The following RNF40 variants were observed in gnomAD, a reference collection of about 807,000 sequenced individuals.
RNF40 encodes the protein ring finger protein 40.
RNF40 carries 39 observed loss-of-function variants against 123.3 expected under a neutral mutation model. The ratio of observed to expected loss-of-function variants is 0.32; its 90% CI spans 0.24 to 0.41. The LOEUF (loss-of-function observed/expected upper bound fraction) is 0.41, where lower values mean the gene tolerates loss of function less well. Ranked by LOEUF, RNF40 falls within the 10% of genes least tolerant of loss-of-function variation. The pLI is 1.00. For missense variants in RNF40, 1,003 were observed against 1,319.9 expected, an observed-to-expected ratio of 0.76 and a Z score of 3.72; for synonymous variants, 538 against 526.0, an observed-to-expected ratio of 1.02 and a Z score of -0.31.
In RNF40 at chr16:30,766,244, G is replaced by A; in HGVS notation, c.1075G>A (p.Glu359Lys). The change falls in exon 9 of 20, where the codon GAA becomes AAA. Residue 359 changes from glutamate (E) to lysine (K), a missense_variant. This residue lies in a region of RNF40 where 274 missense variants were observed against 356.9 expected (regional missense o/e 0.77). Coordinates refer to ENST00000324685, the MANE Select transcript of RNF40 (RefSeq NM_014771.4). This position sits in a 1 kb window ranked among gnomAD's most constrained non-coding sequence, Gnocchi z 5.4. ...GGCAGAGCTGGAGAAACTGCAGGCCGAACTTCAGGGGGCTGTGCGGACCAA... is the reference window on the plus strand; with the variant it reads ...GGCAGAGCTGGAGAAACTGCAGGCCAAACTTCAGGGGGCTGTGCGGACCAA... ...RMAELEKLQA[E>K]LQGAVRTNER... 9.3e-6 allele frequency: 15 copies of A among 1,614,136 alleles called. No homozygotes were observed. The highest frequency in any genetic ancestry group is 1.2e-5 in the Non-Finnish European group (14 of 1,180,026).
rs772365052 is a variant in RNF40, at chr16:30,768,774, C to T, written c.2097+38C>T. ...GGGGCTTGTGGGGCATTCAGAAAGG[C>T]AGAGCAGAGTCCTAGCTCAGCAGGA... On this transcript the variant is annotated intron_variant, in intron 14 of 19. Transcript: ENST00000324685. The surrounding 1 kb of genome is among the most constrained non-coding windows in gnomAD (Gnocchi z 4.1). The T allele has an allele frequency of 1.6e-5, 26 of 1,613,740 alleles. No individual in the cohort carries two copies. The highest frequency in any genetic ancestry group is 2.0e-5 in the Non-Finnish European group (24 of 1,179,946).
In RNF40 at chr16:30,774,067, A is replaced by T; in HGVS notation, c.2959A>T (p.Asn987Tyr). The T allele has an allele frequency of 6.2e-7, 1 of 1,614,060 alleles. No individual in the cohort carries two copies. Among genetic ancestry groups the T allele is most frequent in the Non-Finnish European group, 8.5e-7 (1 of 1,179,894 alleles). The change falls in exon 20 of 20, where the codon AAC becomes TAC. Residue 987 changes from asparagine (N) to tyrosine (Y), a missense_variant. By Grantham distance (143) the Asn-to-Tyr change is moderately radical. Coordinates refer to ENST00000324685, the MANE Select transcript of RNF40 (RefSeq NM_014771.4). Reference sequence around the variant, plus strand: ...CCGCCAGAGGAAGTGCCCCAAGTGCAACGCGGCCTTTGGTGCCCACGACTT... The same window carrying T: ...CCGCCAGAGGAAGTGCCCCAAGTGCTACGCGGCCTTTGGTGCCCACGACTT... ...EARQRKCPKCNAAFGAHDFHR... is the reference protein window; with the variant it reads ...EARQRKCPKCYAAFGAHDFHR...
At position 30,774,849 on chromosome 16, in the gene RNF40, T is replaced by TTTTTTACCAGAGA; in HGVS notation, c.*735_*736insTTTTTACCAGAGA. On this transcript the variant is annotated 3_prime_UTR_variant, in exon 20 of 20. Transcript: ENST00000324685. Reference sequence around the variant, plus strand: ...AGCCCATTTACCCCCACCTCATGCATCCCAAGGCTCTACTGGGTCCCTGGA... The same window carrying TTTTTTACCAGAGA: ...AGCCCATTTACCCCCACCTCATGCATTTTTTACCAGAGACCCAAGGCTCTACTGGGTCCCTGGA... 2.4e-6 allele frequency: 1 copy of TTTTTTACCAGAGA among 417,214 alleles called. No homozygotes were observed. The highest frequency in any genetic ancestry group is 4.8e-6 in the Non-Finnish European group (1 of 208,108). The allele number at this position is 417,214 out of a possible 1,614,324, so 25.8% of individuals were successfully genotyped here. A position where few individuals can be genotyped will look rare whatever the true frequency, so the allele number is the denominator to read the frequency against.
rs777657033 is a variant in RNF40, at chr16:30,768,435, C to T, written c.1884C>T (p.Ala628=). ...CCAGCCTAGGACCTCCACCTGTAGC[C>T]TCCGCTCTCTCAAGGGCTGATCGGG... is the stretch of plus-strand genomic sequence containing the variant. The part of the protein sequence containing the change: ...EGPSLGPPPV[A]SALSRADREK... The change falls in exon 13 of 20, where the codon GCC becomes GCT. Residue 628 remains alanine, a synonymous_variant. Coordinates refer to ENST00000324685, the MANE Select transcript of RNF40 (RefSeq NM_014771.4). The surrounding 1 kb of genome is among the most constrained non-coding windows in gnomAD (Gnocchi z 4.1). 4 of 1,613,504 alleles carry T rather than the reference C, an allele frequency of 2.5e-6. No homozygotes were observed. Among genetic ancestry groups the T allele is most frequent in the Non-Finnish European group, 3.4e-6 (4 of 1,179,754 alleles).
At chr16:30,772,245 T>C in intron 19 of RNF40, 55 bp downstream of exon 19, 2 of 1,387,716 alleles carry the variant, frequency 1.4e-6, no homozygotes, top group Non-Finnish European at 2.0e-6. Context: ...AGATGCAGGA[T>C]TGCTGAGACT....
rs1451271007 is a variant in RNF40 at position 30,764,375 on chromosome 16, G to T, written c.639G>T (p.Val213=). Residue 213 remains valine, a synonymous_variant, in exon 5 of 20, where the codon GTG becomes GTT. Transcript: ENST00000324685. ...QRRVEELCQR[V]YSRGDSEPLS... Reference sequence around the variant, plus strand: ...GGGTGGAGGAACTCTGTCAGCGAGTGTACAGCCGAGGTGGGTTCTTTGTGC... The same window carrying T: ...GGGTGGAGGAACTCTGTCAGCGAGTTTACAGCCGAGGTGGGTTCTTTGTGC... 6.2e-7 allele frequency: 1 copy of T among 1,612,788 alleles called. No individual in the cohort carries two copies.
Position 30,768,814 on chromosome 16 carries a change from A to G in RNF40, c.2098-24A>G. ...GCTCAGCAGGAAGCAGTGTCAAGAG[A>G]GTTTCTTCTTCCCTGTGCTATAGGT... On this transcript the variant is annotated intron_variant, in intron 14 of 19. Transcript: ENST00000324685. This position sits in a 1 kb window ranked among gnomAD's most constrained non-coding sequence, Gnocchi z 4.1. The G allele has an allele frequency of 1.2e-6, 2 of 1,614,122 alleles. No homozygotes were observed. The highest frequency in any genetic ancestry group is 1.7e-6 in the Non-Finnish European group (2 of 1,180,010).
Position 30,774,130 on chromosome 16 carries a change from G to A in RNF40, c.*16G>A, listed in dbSNP as rs1302488548. The A allele has an allele frequency of 6.2e-7, 1 of 1,607,700 alleles. No individual in the cohort carries two copies. The highest frequency in any genetic ancestry group is 8.5e-7 in the Non-Finnish European group (1 of 1,175,604). On this transcript the variant is annotated 3_prime_UTR_variant, in exon 20 of 20. Transcript: ENST00000324685. ...CATCAGCTGAACCTGAAACTCAGGGGACTCTGGAACACCATGGACCCTGGG... is the reference window on the plus strand; with the variant it reads ...CATCAGCTGAACCTGAAACTCAGGGAACTCTGGAACACCATGGACCCTGGG...
intron 2 of RNF40, 36 bp downstream of exon 2, chr16:30,762,713 C>T (rs1409417692): frequency 1.2e-6 from 2 of 1,603,328 alleles, no homozygotes; most frequent in African/African-American, 1.4e-5. Context: ...CAGAACTTCC[C>T]AGAGCCCTCC....
chr16:30,764,241 C>T lies in RNF40; in HGVS notation c.505C>T (p.Leu169=), dbSNP rs748239031. The change falls in exon 5 of 20, where the codon CTG becomes TTG. Residue 169 remains leucine, a synonymous_variant. Transcript: ENST00000324685. ...GCCGGCCTTGGCTTTTGTGGTGGCA[C>T]TGGGTGCCAGCAGCAGTGAGGAGGT... ...SEPALAFVVA[L]GASSSEEVEL... 19 of 1,612,542 alleles carry T rather than the reference C, an allele frequency of 1.2e-5. No homozygotes were observed. The highest frequency in any genetic ancestry group is 1.4e-5 in the Non-Finnish European group (17 of 1,179,446).
At position 30,769,480 on chromosome 16, in the gene RNF40, T is replaced by C; in HGVS notation, c.2466T>C (p.Asp822=). Residue 822 remains aspartate, a synonymous_variant, in exon 17 of 20, where the codon GAT becomes GAC. Transcript: ENST00000324685. ...AGTCCTCCTCTGGTCCTTAGGTGGATGCCCAGCTGCTGACTGTGCAGAAGC... is the reference window on the plus strand; with the variant it reads ...AGTCCTCCTCTGGTCCTTAGGTGGACGCCCAGCTGCTGACTGTGCAGAAGC... ...EQVLGLKSQV[D]AQLLTVQKLE... is the part of the protein sequence containing the mutation. The C allele has an allele frequency of 6.2e-7, 1 of 1,613,718 alleles. No homozygotes were observed. Among genetic ancestry groups the C allele is most frequent in the South Asian group, 1.1e-5 (1 of 91,048 alleles).
In RNF40 at chr16:30,768,554, T is replaced by A; in HGVS notation, c.1979+24T>A. 1 of 1,613,668 alleles carries A rather than the reference T, an allele frequency of 6.2e-7. No individual in the cohort carries two copies. The highest frequency in any genetic ancestry group is 8.5e-7 in the Non-Finnish European group (1 of 1,179,638). On this transcript the variant is annotated intron_variant, in intron 13 of 19. Transcript: ENST00000324685. This position sits in a 1 kb window ranked among gnomAD's most constrained non-coding sequence, Gnocchi z 4.1. ...AAGTGAGGCTCTGTTCCTGTCTCCT[T>A]CCTGACCCTGCCAGGTGGCCTCCAG...
intron 17 of RNF40, among the ~76,000 whole-genome samples, chr16:30,771,051 C>T (rs555992452): frequency 6.6e-6 from 1 of 152,302 alleles, no homozygotes; most frequent in East Asian, 1.9e-4. Flanking sequence ...TGTACTAGGC[C>T]TTGCGCTGAT....
chr16:30,770,357 A>C (rs568384965), intron 17 of RNF40, among the ~76,000 whole-genome samples: 22 of 151,924 alleles, frequency 1.4e-4, no homozygotes, highest in African/African-American at 5.3e-4. Flanking sequence ...TGATCCACCC[A>C]CATTGGCCTC....
chr16:30,771,996 A>G (rs746107051), intron 18 of RNF40, 23 bp downstream of exon 18: 91 of 1,585,398 alleles, frequency 5.7e-5, no homozygotes, highest in Non-Finnish European at 7.7e-5. Flanking sequence ...GTGAGGGGCC[A>G]GGCCAGGGTG....
In RNF40 at chr16:30,763,443, T is replaced by A. The variant is rs150696859; in HGVS notation, c.326T>A (p.Leu109His). ...CTGGATGAAACTGTGGAAGCCCTTC[T>A]CCGATGCCATGAGAGCCAGGGGGAG... ...AQLDETVEALLRCHESQGELS... is the reference protein window; with the variant it reads ...AQLDETVEALHRCHESQGELS... The change falls in exon 4 of 20, where the codon CTC becomes CAC. Residue 109 changes from leucine (L) to histidine (H), a missense_variant. By Grantham distance (99) the Leu-to-His change is moderately conservative. Coordinates refer to ENST00000324685, the MANE Select transcript of RNF40 (RefSeq NM_014771.4). 3 of 1,608,766 alleles carry A rather than the reference T, an allele frequency of 1.9e-6. No individual in the cohort carries two copies. Among genetic ancestry groups the A allele is most frequent in the African/African-American group, 2.7e-5 (2 of 74,700 alleles).
At position 30,762,542 on chromosome 16, in the gene RNF40, G is replaced by A. The variant is rs925149893; in HGVS notation, c.-4G>A. The A allele has an allele frequency of 5.7e-6, 9 of 1,584,004 alleles. No individual in the cohort carries two copies. Among genetic ancestry groups the A allele is most frequent in the Non-Finnish European group, 7.7e-6 (9 of 1,173,600 alleles). ...GACCCTGCATCGCTCCAGCCGCCGC[G>A]GCCATGTCTGGGCCAGGCAACAAAC... On this transcript the variant is annotated 5_prime_UTR_variant, in exon 2 of 20. Coordinates refer to ENST00000324685, the MANE Select transcript of RNF40 (RefSeq NM_014771.4).
At position 30,766,865 on chromosome 16, in the gene RNF40, A is replaced by G. The variant is rs1376729647; in HGVS notation, c.1418A>G (p.Asn473Ser). The change falls in exon 11 of 20, where the codon AAC becomes AGC. Residue 473 changes from asparagine to serine, a missense_variant. Physicochemically the swap from Asn to Ser is conservative, Grantham distance 46 (BLOSUM62 1). Transcript: ENST00000324685. This position sits in a 1 kb window ranked among gnomAD's most constrained non-coding sequence, Gnocchi z 5.4. ...RIEFEQNLAA[N>S]EQAGPINREM... ...GAGTTTGAGCAGAATCTGGCGGCCA[A>G]CGAGCAGGCGGGTATGTGGTGAGGA... 1.9e-6 allele frequency: 3 copies of G among 1,613,330 alleles called. No homozygotes were observed. Among genetic ancestry groups the G allele is most frequent in the South Asian group, 1.1e-5 (1 of 91,044 alleles).
At chr16:30,765,393 A>G (rs1243210773) in intron 7 of RNF40, 32 bp from the exon 8 acceptor site, 2 of 1,613,856 alleles carry the variant, frequency 1.2e-6, no homozygotes, top group East Asian at 2.2e-5. Context: ...CCTCCCCTCT[A>G]CATCCATTGC....
Sources: gnomAD v4.1 joint callset for allele counts (sites outside exome capture counted in the v4.1 genomes callset) on GRCh38, gnomAD v4.1.1 for gene constraint, gnomAD v4.1.1 regional missense constraint, Gnocchi (gnomAD v3.1) non-coding constraint, MANE v1.5 for transcripts, NCBI Gene and HGNC (gene_info 2026-07-23, HGNC 2026-07-21) for gene names.